The following CHIT1 variants were observed in gnomAD, a reference collection of about 807,000 sequenced individuals.
CHIT1 encodes the protein chitinase 1, also known as chitotriosidase-1.
In CHIT1, 47 loss-of-function variants were observed where a neutral mutation model predicts 52.0. The ratio of observed to expected loss-of-function variants is 0.90; its 90% CI spans 0.71 to 1.15. The LOEUF (loss-of-function observed/expected upper bound fraction) is 1.15. Ranked by LOEUF, CHIT1 falls within the 50% of genes most tolerant of loss-of-function variation. The pLI is 0.00. For synonymous variants in CHIT1, 242 were observed against 228.2 expected (o/e 1.06, Z -0.54); for missense variants, 569 against 583.0 (o/e 0.98, Z 0.25).
intron 1 of CHIT1, among the ~76,000 whole-genome samples, 157 bp downstream of exon 1, chr1:203,229,455 G>T (rs1400314038): frequency 6.6e-6 from 1 of 152,098 alleles, no homozygotes; most frequent in African/African-American, 2.4e-5. Flanking sequence ...GTAATCAAGG[G>T]ACTGCAAGCC....
chr1:203,228,460 C>T, intron 2 of CHIT1, 73 bp downstream of exon 2: 1 of 1,491,324 alleles, frequency 6.7e-7, no homozygotes, highest in Non-Finnish European at 9.2e-7. Context: ...GGAGGTCTGG[C>T]AGGGAAGGTG....
chr1:203,223,568 T>C lies in CHIT1; in HGVS notation c.407A>G (p.Asp136Gly), dbSNP rs1656819908. The change falls in exon 5 of 11, where the codon GAC becomes GGC. Residue 136 changes from aspartate to glycine, a missense_variant. Coordinates refer to ENST00000367229, the MANE Select transcript of CHIT1 (RefSeq NM_003465.3). ...GCTTCCTGGGTACTCCCAGTCAAGG[T>C]CAAGGCCGTCAAAGCTGTATTTGCG... Reference protein sequence around the residue: ...FLRKYSFDGLDLDWEYPGSQG... With the variant: ...FLRKYSFDGLGLDWEYPGSQG... The C allele has an allele frequency of 1.2e-6, 2 of 1,614,008 alleles. No individual in the cohort carries two copies. The highest frequency in any genetic ancestry group is 1.3e-5 in the African/African-American group (1 of 74,906).
upstream of CHIT1, chr1:203,229,861 AG>A: frequency 1.6e-6 from 1 of 625,092 alleles, no homozygotes; most frequent in Non-Finnish European, 2.9e-6. Context: ...GAACAATCAG[AG>A]GGTGACTCTT....
At chr1:203,227,925 A>G (rs892696883) in intron 2 of CHIT1, among the ~76,000 whole-genome samples, 1 of 152,224 alleles carries the variant, frequency 6.6e-6, no homozygotes, top group African/African-American at 2.4e-5. Context: ...CAGCATTCCC[A>G]GGCCACTGAT....
intron 6 of CHIT1, 150 bp downstream of exon 6, chr1:203,222,985 G>A (rs1656792335): frequency 1.9e-5 from 20 of 1,053,174 alleles, no homozygotes; most frequent in Non-Finnish European, 2.9e-5. Context: ...TACAAAAGCA[G>A]GGAATTTTCT....
rs754695003 is a variant in CHIT1, at chr1:203,225,835, A to G, written c.91T>C (p.Trp31Arg). 9.9e-6 allele frequency: 16 copies of G among 1,614,154 alleles called. No individual in the cohort carries two copies. Among genetic ancestry groups the G allele is most frequent in the Admixed American group, 1.7e-5 (1 of 60,024 alleles). The change falls in exon 3 of 11, where the codon TGG (tryptophan) becomes CGG (arginine). Residue 31 changes from tryptophan (W) to arginine (R), a missense_variant. Trp to Arg is a moderately radical substitution (Grantham distance 101, BLOSUM62 -3). Transcript: ENST00000367229. ...GCCTCCCCCTGTCTGTACTGGGCCCAGTTGGTGAAGTAGCAGACCAGTTTT... is the reference window on the plus strand; with the variant it reads ...GCCTCCCCCTGTCTGTACTGGGCCCGGTTGGTGAAGTAGCAGACCAGTTTT... The part of the protein sequence containing the change: ...AAKLVCYFTN[W>R]AQYRQGEARF...
chr1:203,223,293 C>T (rs200929749), intron 5 of CHIT1, 34 bp from the exon 6 acceptor site: 57 of 1,613,020 alleles, frequency 3.5e-5, no homozygotes, highest in Middle Eastern at 1.7e-4. Context: ...AACACAGGGG[C>T]GCGCACCAGG....
At chr1:203,223,073 G>A in intron 6 of CHIT1, 62 bp downstream of exon 6, 3 of 1,608,022 alleles carry the variant, frequency 1.9e-6, no homozygotes, top group South Asian at 1.1e-5. Context: ...GGAAAGCTCA[G>A]TCTGCCCTTG....
intron 4 of CHIT1, 105 bp downstream of exon 4, chr1:203,224,943 A>T: frequency 9.4e-7 from 1 of 1,062,022 alleles, no homozygotes; most frequent in Non-Finnish European, 1.5e-6. Flanking sequence ...CTTTCCCCTG[A>T]CCACACCTCA....
At chr1:203,225,170 T>C in intron 3 of CHIT1, 66 bp from the exon 4 acceptor site, 1 of 1,495,568 alleles carries the variant, frequency 6.7e-7, no homozygotes, top group Non-Finnish European at 9.3e-7. Context: ...GGCAGGGATG[T>C]TACAGTGGGG....
At chr1:203,220,515 G>A (rs1452120277) in intron 7 of CHIT1, among the ~76,000 whole-genome samples, 1 of 151,990 alleles carries the variant, frequency 6.6e-6, no homozygotes, top group Non-Finnish European at 1.5e-5. Context: ...TATATTACTT[G>A]GTGTAACACC....
At chr1:203,226,209 G>A (rs374809459) in intron 2 of CHIT1, among the ~76,000 whole-genome samples, 9 of 152,200 alleles carry the variant, frequency 5.9e-5, no homozygotes, top group African/African-American at 1.7e-4. Context: ...GAGGTGCTGC[G>A]ACCCAAGTCT....
Position 203,225,776 on chromosome 1 carries a change from A to G in CHIT1, c.150T>C (p.Leu50=), listed in dbSNP as rs1329889132. 3 of 1,614,022 alleles carry G rather than the reference A, an allele frequency of 1.9e-6. No individual in the cohort carries two copies. The South Asian group carries it at 3.3e-5, about 18-fold the overall frequency. Residue 50 remains leucine, a synonymous_variant, in exon 3 of 11, where the codon CTT becomes CTC. Coordinates refer to ENST00000367229, the MANE Select transcript of CHIT1 (RefSeq NM_003465.3). The part of the protein sequence containing the change: ...RFLPKDLDPS[L]CTHLIYAFAG... ...CGAAGGCGTAGATGAGGTGGGTGCA[A>G]AGGCTGGGGTCCAAGTCCTTGGGCA...
intron 4 of CHIT1, among the ~76,000 whole-genome samples, 168 bp from the exon 5 acceptor site, chr1:203,223,828 A>G (rs1001613548): frequency 5.3e-5 from 8 of 152,038 alleles, no homozygotes; most frequent in African/African-American, 1.9e-4. Context: ...CTGGTGAGTT[A>G]TGGTCCGGGT....
chr1:203,228,272 C>T (rs768061540), intron 2 of CHIT1, among the ~76,000 whole-genome samples: 3 of 152,210 alleles, frequency 2.0e-5, no homozygotes, highest in Non-Finnish European at 4.4e-5. Context: ...GAGCCAGCAA[C>T]CCCAGGAAAG....
chr1:203,219,387 C>T (rs191952897), intron 8 of CHIT1, 58 bp from the exon 9 acceptor site: 1 of 1,027,686 alleles, frequency 9.7e-7, no homozygotes, highest in Non-Finnish European at 1.6e-6. Context: ...AGGCACCTTC[C>T]CTTCCTCACC....
chr1:203,225,720 G>T lies in CHIT1; in HGVS notation c.206C>A (p.Thr69Asn). Residue 69 changes from threonine to asparagine, a missense_variant, in exon 3 of 11, where the codon ACT becomes AAT. Physicochemically the swap from Thr to Asn is moderately conservative, Grantham distance 65. Coordinates refer to ENST00000367229, the MANE Select transcript of CHIT1 (RefSeq NM_003465.3). ...GTAGAGAGTCTCGTCATTCCACTCAGTGGTGCTCAGCTGGTGGTTGGTCAT... is the reference window on the plus strand; with the variant it reads ...GTAGAGAGTCTCGTCATTCCACTCATTGGTGCTCAGCTGGTGGTTGGTCAT... ...AGMTNHQLSTTEWNDETLYQE... is the reference protein window; with the variant it reads ...AGMTNHQLSTNEWNDETLYQE... 1 of 1,614,162 alleles carries T rather than the reference G, an allele frequency of 6.2e-7. No individual in the cohort carries two copies. Among genetic ancestry groups the T allele is most frequent in the Non-Finnish European group, 8.5e-7 (1 of 1,180,028 alleles).
Position 203,219,252 on chromosome 1 carries a change from C to A in CHIT1, c.993G>T (p.Trp331Cys). The change falls in exon 9 of 11, where the codon TGG becomes TGT. Residue 331 changes from tryptophan (W) to cysteine (C), a missense_variant. Coordinates refer to ENST00000367229, the MANE Select transcript of CHIT1 (RefSeq NM_003465.3). ...KVPYIFRDNQ[W>C]VGFDDVESFK... The stretch of plus-strand genomic sequence containing the variant: ...AGCTCTCCACATCATCAAAGCCCAC[C>A]CACTGGTTGTCCCGGAAGATGTAGG... The A allele has an allele frequency of 2.5e-6, 4 of 1,602,902 alleles. No individual in the cohort carries two copies. Among genetic ancestry groups the A allele is most frequent in the East Asian group, 2.2e-5 (1 of 44,866 alleles).
chr1:203,221,754 C>T (rs1352991232), intron 7 of CHIT1, among the ~76,000 whole-genome samples: 1 of 152,200 alleles, frequency 6.6e-6, no homozygotes, highest in Non-Finnish European at 1.5e-5. Context: ...GTACTTCCAC[C>T]CTGAGTGACA....
Sources: allele counts gnomAD v4.1 joint callset (sites outside exome capture counted in the v4.1 genomes callset), GRCh38; gene constraint gnomAD v4.1.1; transcripts MANE v1.5; gene names NCBI Gene and HGNC (gene_info 2026-07-23, HGNC 2026-07-21).